Variants in ANKRD6 observed in about 807,000 individuals in gnomAD.
The protein encoded by ANKRD6 is ankyrin repeat domain-containing protein 6.
A neutral mutation model predicts 82.3 loss-of-function variants in ANKRD6; 56 were observed. That is an observed-to-expected ratio of 0.68 (90% confidence interval 0.55 to 0.85). The LOEUF is 0.85. Among genes scored for constraint, ANKRD6 ranks in the 40% least tolerant of loss-of-function variants. The pLI, the probability that ANKRD6 is intolerant of heterozygous loss-of-function variation, is 0.00. For synonymous variants in ANKRD6, 347 were observed against 352.1 expected (o/e 0.99, Z 0.16); for missense variants, 852 against 907.6 (o/e 0.94, Z 0.79).
rs184506044 is a variant in ANKRD6 at position 89,623,905 on chromosome 6, G to A, written c.1066G>A (p.Asp356Asn). The change falls in exon 12 of 16, where the codon GAC becomes AAC. Residue 356 changes from aspartate to asparagine, a missense_variant. Transcript: ENST00000339746. ...SAFSDPTPPADQQPGHQKNLH... is the reference protein window; with the variant it reads ...SAFSDPTPPANQQPGHQKNLH... ...ATTTTCTGACCCCACCCCACCAGCC[G>A]ACCAACAGCCTGGACACCAGAAGAA... 147 of 1,613,638 alleles carry A rather than the reference G, an allele frequency of 9.1e-5. No homozygotes were observed. The highest frequency in any genetic ancestry group is 3.3e-4 in the Middle Eastern group (2 of 6,048).
intron 4 of ANKRD6, among the ~76,000 whole-genome samples, chr6:89,604,759 G>T (rs985106636): frequency 2.6e-5 from 4 of 152,054 alleles, no homozygotes; most frequent in African/African-American, 9.7e-5. Flanking sequence ...CGCCAATACA[G>T]TTCCCAGCAA....
intron 1 of ANKRD6, among the ~76,000 whole-genome samples, chr6:89,446,159 C>T (rs1772057033): frequency 6.6e-6 from 1 of 151,894 alleles, no homozygotes; most frequent in African/African-American, 2.4e-5. Context: ...TTGAGACCAG[C>T]CTGACCAACA....
chr6:89,598,583 T>C (rs563745237), intron 3 of ANKRD6, among the ~76,000 whole-genome samples: 132 of 152,256 alleles, frequency 8.7e-4, no homozygotes, highest in African/African-American at 2.8e-3. Flanking sequence ...TTTTTCACCA[T>C]GTAGGAAAGA....
chr6:89,443,652 A>AT (rs1176529481), intron 1 of ANKRD6, among the ~76,000 whole-genome samples: 4 of 104,132 alleles, frequency 3.8e-5, no homozygotes, highest in East Asian at 2.7e-4. Context: ...TAATTTTTGT[A>AT]TTTTTTGTAG....
chr6:89,628,826 G>A (rs1288432957), intron 14 of ANKRD6: 9 of 360,804 alleles, frequency 2.5e-5, no homozygotes, highest in South Asian at 1.5e-4. Context: ...CTTACTAACC[G>A]TGAGGATGGT....
At chr6:89,557,561 C>T (rs1056098814) in intron 1 of ANKRD6, among the ~76,000 whole-genome samples, 6 of 152,136 alleles carry the variant, frequency 3.9e-5, no homozygotes, top group African/African-American at 9.7e-5. Context: ...TTGGCAATTA[C>T]GTCAATGTAA....
intron 1 of ANKRD6, among the ~76,000 whole-genome samples, chr6:89,474,671 C>A (rs958920896): frequency 6.6e-6 from 1 of 152,202 alleles, no homozygotes; most frequent in Non-Finnish European, 1.5e-5. Flanking sequence ...CCTGCCTCAG[C>A]CTCCCAAAGT....
chr6:89,538,662 G>A (rs1324516223), intron 1 of ANKRD6, among the ~76,000 whole-genome samples: 1 of 152,144 alleles, frequency 6.6e-6, no homozygotes, highest in Non-Finnish European at 1.5e-5. Context: ...GTGTTAAGTG[G>A]AAGGTGATCA....
intron 1 of ANKRD6, among the ~76,000 whole-genome samples, chr6:89,539,742 T>C (rs1784245873): frequency 7.3e-6 from 1 of 136,812 alleles, no homozygotes; most frequent in Non-Finnish European, 1.6e-5. Context: ...GGTCTTATTC[T>C]TTTTTTTTTT....
In ANKRD6 at chr6:89,633,016, G is replaced by A. The variant is rs986959589; in HGVS notation, c.*2012G>A. On this transcript the variant is annotated 3_prime_UTR_variant, in exon 16 of 16. Coordinates refer to ENST00000339746, the MANE Select transcript of ANKRD6 (RefSeq NM_001242809.2). The stretch of plus-strand genomic sequence containing the variant: ...CTGAAAACTAAATTTTAAGTATCAA[G>A]TCTAGACCATAGAGTGCTTTGGTGG... 9 of 152,202 alleles carry A rather than the reference G, an allele frequency of 5.9e-5. No homozygotes were observed. Among genetic ancestry groups the A allele is most frequent in the Non-Finnish European group, 1.3e-4 (9 of 68,044 alleles). 9.4% of individuals were successfully genotyped at this position (152,202 alleles called of 1,614,324 possible). A position where few individuals can be genotyped will look rare whatever the true frequency, so the allele number is the denominator to read the frequency against.
At chr6:89,583,658 C>G (rs1271508702) in intron 2 of ANKRD6, among the ~76,000 whole-genome samples, 1 of 152,206 alleles carries the variant, frequency 6.6e-6, no homozygotes, top group African/African-American at 2.4e-5. Flanking sequence ...AAAGCTAACT[C>G]AAGCATCTTA....
intron 10 of ANKRD6, among the ~76,000 whole-genome samples, chr6:89,622,252 C>T (rs1803676072): frequency 6.6e-6 from 1 of 152,230 alleles, no homozygotes; most frequent in Non-Finnish European, 1.5e-5. Flanking sequence ...CATTACCCGT[C>T]CAGTACACGT....
chr6:89,482,716 G>A (rs1016986829), intron 1 of ANKRD6, among the ~76,000 whole-genome samples: 1 of 152,006 alleles, frequency 6.6e-6, no homozygotes, highest in Non-Finnish European at 1.5e-5. Context: ...CTGCTGTTTG[G>A]AACCCCCAGA....
At chr6:89,506,179 G>C (rs1452499943) in intron 1 of ANKRD6, among the ~76,000 whole-genome samples, 1 of 152,142 alleles carries the variant, frequency 6.6e-6, no homozygotes, top group African/African-American at 2.4e-5. Context: ...CTTGAAAATT[G>C]CAAGGAGAGT....
intron 8 of ANKRD6, 83 bp downstream of exon 8, chr6:89,616,740 C>G (rs907328975): frequency 1.5e-4 from 196 of 1,325,530 alleles, no homozygotes; most frequent in Non-Finnish European, 3.4e-5. Context: ...CTGCAGACCC[C>G]CAGGCCCAGC....
intron 1 of ANKRD6, among the ~76,000 whole-genome samples, chr6:89,488,367 T>C (rs1240368043): frequency 6.6e-6 from 1 of 152,216 alleles, no homozygotes; most frequent in East Asian, 1.9e-4. Context: ...GGAGGATTGC[T>C]TGAGCCCCAG....
At chr6:89,487,736 T>C (rs1171724056) in intron 1 of ANKRD6, among the ~76,000 whole-genome samples, 1 of 152,192 alleles carries the variant, frequency 6.6e-6, no homozygotes, top group Non-Finnish European at 1.5e-5. Context: ...CCTTCTCTCA[T>C]TGATCAAGGA....
At chr6:89,617,175 T>C (rs1467012511) in intron 8 of ANKRD6, among the ~76,000 whole-genome samples, 1 of 152,248 alleles carries the variant, frequency 6.6e-6, no homozygotes, top group Non-Finnish European at 1.5e-5. Flanking sequence ...CTGCGGTCTC[T>C]GCCCCTCTGA....
rs767267407 is a variant in ANKRD6, at chr6:89,612,283, A to G, written c.429A>G (p.Thr143=). Residue 143 remains threonine (T), a synonymous_variant, in exon 6 of 16, where the codon ACA becomes ACG. Coordinates refer to ENST00000339746, the MANE Select transcript of ANKRD6 (RefSeq NM_001242809.2). The stretch of plus-strand genomic sequence containing the variant: ...TGCCTCTCTCCAAGGCGGGGAACAC[A>G]GCTCTGCACCTGGCCTGCCAGAACA... The part of the protein sequence containing the change: ...NVLAKNKAGN[T]ALHLACQNSH... The G allele has an allele frequency of 1.9e-6, 3 of 1,558,754 alleles. No homozygotes were observed. The highest frequency in any genetic ancestry group is 3.3e-4 in the Middle Eastern group (2 of 6,000).
Sources: gnomAD v4.1 joint callset for allele counts (sites outside exome capture counted in the v4.1 genomes callset) on GRCh38, gnomAD v4.1.1 for gene constraint, MANE v1.5 for transcripts, NCBI Gene and HGNC (gene_info 2026-07-23, HGNC 2026-07-21) for gene names.